FGD4: variants seen among roughly 807,000 people sequenced by gnomAD.
The protein encoded by FGD4 is FYVE, RhoGEF and PH domain-containing protein 4.
In FGD4, 42 loss-of-function variants were observed where a neutral mutation model predicts 102.0. The ratio of observed to expected loss-of-function variants is 0.41; its 90% CI spans 0.32 to 0.53. The LOEUF (loss-of-function observed/expected upper bound fraction) is 0.53. FGD4 is among the 20% of genes least tolerant of loss of function. FGD4 has a pLI of 0.21. For synonymous variants in FGD4, 380 were observed against 375.7 expected (o/e 1.01, Z -0.13); for missense variants, 902 against 1,078.2 (o/e 0.84, Z 2.29).
chr12:32,488,315 T>C (rs895596111), intron 1 of FGD4, among the ~76,000 whole-genome samples: 1 of 152,152 alleles, frequency 6.6e-6, no homozygotes, highest in Non-Finnish European at 1.5e-5. Context: ...TTAGAGTACT[T>C]TGAGTTACTT....
chr12:32,628,151 TTG>T (rs1354186818), intron 14 of FGD4, among the ~76,000 whole-genome samples: 1 of 151,916 alleles, frequency 6.6e-6, no homozygotes, highest in Admixed American at 6.6e-5. Context: ...TCCACAGACA[TTG>T]TGGTAGAGCA....
chr12:32,503,217 T>G (rs1938382322), intron 1 of FGD4, among the ~76,000 whole-genome samples: 1 of 152,176 alleles, frequency 6.6e-6, no homozygotes, highest in South Asian at 2.1e-4. Context: ...GTTTTTTTTG[T>G]TTTTTTATCA....
intron 1 of FGD4, among the ~76,000 whole-genome samples, chr12:32,409,170 A>T (rs570428200): frequency 6.6e-6 from 1 of 152,024 alleles, no homozygotes; most frequent in Non-Finnish European, 1.5e-5. Context: ...ACCAGTTCTT[A>T]TCAGTTTTCC....
chr12:32,468,612 C>T (rs1365698799), intron 1 of FGD4, among the ~76,000 whole-genome samples: 2 of 152,108 alleles, frequency 1.3e-5, no homozygotes, highest in African/African-American at 2.4e-5. Context: ...CGCAGTGGCT[C>T]ATGCCTGTAA....
At chr12:32,511,530 C>T (rs996862632) in intron 1 of FGD4, among the ~76,000 whole-genome samples, 1 of 151,996 alleles carries the variant, frequency 6.6e-6, no homozygotes, top group African/African-American at 2.4e-5. Context: ...TCTTGATCTC[C>T]TGACTTCGTG....
intron 1 of FGD4, among the ~76,000 whole-genome samples, chr12:32,436,043 G>T (rs1353686791): frequency 6.6e-6 from 1 of 152,192 alleles, no homozygotes; most frequent in East Asian, 1.9e-4. Flanking sequence ...GCTGTCGGGG[G>T]AGGACACAGA....
intron 4 of FGD4, among the ~76,000 whole-genome samples, chr12:32,596,866 C>T (rs1947937389): frequency 6.7e-6 from 1 of 150,274 alleles, no homozygotes; most frequent in Non-Finnish European, 1.5e-5. Context: ...ACCCGGGAGG[C>T]AGAGGTTGCG....
At chr12:32,418,952 C>T (rs1205778631) in intron 1 of FGD4, among the ~76,000 whole-genome samples, 1 of 152,192 alleles carries the variant, frequency 6.6e-6, no homozygotes, top group Non-Finnish European at 1.5e-5. Context: ...CCACTCTTCC[C>T]TCCCCTTTCC....
chr12:32,560,308 A>G lies in FGD4; in HGVS notation c.167-3829A>G, dbSNP rs187768738. On this transcript the variant is annotated intron_variant, in intron 1 of 16. Coordinates refer to ENST00000534526, the MANE Select transcript of FGD4 (RefSeq NM_001370298.3). Reference sequence around the variant, plus strand: ...GTCACTCATTTTGGAGTGCAGCGCAATGGTGTGATCACGGCTCACTGTGGC... The same window carrying G: ...GTCACTCATTTTGGAGTGCAGCGCAGTGGTGTGATCACGGCTCACTGTGGC... 3.3e-5 allele frequency among the ~76,000 whole-genome samples: 5 copies of G among 152,268 alleles called. 1 individual carries two copies. Among genetic ancestry groups the G allele is most frequent in the African/African-American group, 1.2e-4 (5 of 41,558 alleles).
rs201383541 is a variant in FGD4, at chr12:32,634,561, AACAAT to A, written c.2313+874_2313+878del. ...AATGAGTTTTACATCTAGAGATATT[AACAAT>A]ATAAGGGACAGGTTATATAATAAGG... On this transcript the variant is annotated intron_variant, in intron 15 of 16. Transcript: ENST00000534526. Among the ~76,000 whole-genome samples the A allele has an allele frequency of 7.3e-3, 1,116 of 152,324 alleles. 15 individuals carry two copies. The highest frequency in any genetic ancestry group is 0.025 in the African/African-American group (1,058 of 41,570).
chr12:32,432,103 A>C (rs1251737636), intron 1 of FGD4, among the ~76,000 whole-genome samples: 3 of 133,798 alleles, frequency 2.2e-5, no homozygotes, highest in Non-Finnish European at 4.6e-5. Context: ...TCTGTTGCCC[A>C]GGCTGGAGTG....
chr12:32,604,239 A>AT (rs11396085), intron 7 of FGD4, among the ~76,000 whole-genome samples: 7,305 of 150,300 alleles, frequency 0.049, 606 homozygotes, highest in African/African-American at 0.17. Flanking sequence ...TTGTAGATTG[A>AT]TTTTTTTTTA....
intron 1 of FGD4, among the ~76,000 whole-genome samples, chr12:32,436,122 G>A (rs1404164509): frequency 6.6e-6 from 1 of 152,196 alleles, no homozygotes; most frequent in Non-Finnish European, 1.5e-5. Flanking sequence ...ACTGGACACC[G>A]TGATGTACAG....
At chr12:32,507,758 C>T (rs905805236) in intron 1 of FGD4, among the ~76,000 whole-genome samples, 1 of 152,180 alleles carries the variant, frequency 6.6e-6, no homozygotes, top group Non-Finnish European at 1.5e-5. Flanking sequence ...TTCCTTAAAC[C>T]TCATCTTCCC....
intron 4 of FGD4, among the ~76,000 whole-genome samples, chr12:32,593,246 A>G (rs954146979): frequency 7.2e-5 from 11 of 152,174 alleles, no homozygotes; most frequent in Non-Finnish European, 1.3e-4. Flanking sequence ...TAATCAGTGA[A>G]TAAGTGTTAG....
chr12:32,532,574 T>C (rs1236692801), intron 1 of FGD4, among the ~76,000 whole-genome samples: 1 of 152,212 alleles, frequency 6.6e-6, no homozygotes, highest in African/African-American at 2.4e-5. Flanking sequence ...GTTAGCTTTT[T>C]TTTTTTTTAA....
At chr12:32,608,234 TATC>T (rs79873589) in intron 8 of FGD4, 139 bp downstream of exon 8, 18,445 of 1,223,354 alleles carry the variant, frequency 0.015, 322 homozygotes, top group South Asian at 0.057. Flanking sequence ...TGGAAATTGT[TATC>T]ATCACTTCAG....
At chr12:32,553,956 G>A (rs1042375893) in intron 1 of FGD4, among the ~76,000 whole-genome samples, 1 of 152,168 alleles carries the variant, frequency 6.6e-6, no homozygotes, top group South Asian at 2.1e-4. Context: ...GCTGAACGTG[G>A]TGGTGCATGC....
chr12:32,534,284 C>T (rs776006878), intron 1 of FGD4: 98 of 1,311,016 alleles, frequency 7.5e-5, no homozygotes, highest in Middle Eastern at 2.5e-4. Flanking sequence ...TGCATAAGGT[C>T]GTCCTTGGGC....
Sources: allele counts gnomAD v4.1 joint callset (sites outside exome capture counted in the v4.1 genomes callset), GRCh38; gene constraint gnomAD v4.1.1; transcripts MANE v1.5; gene names NCBI Gene and HGNC (gene_info 2026-07-23, HGNC 2026-07-21).